DLG2: variants seen among roughly 807,000 people sequenced by gnomAD.
The protein encoded by DLG2 is disks large homolog 2.
Under a neutral mutation model 132.5 loss-of-function variants are expected in DLG2, and 45 were observed. That is an observed-to-expected ratio of 0.34 (90% CI 0.27 to 0.44). The LOEUF (loss-of-function observed/expected upper bound fraction) is 0.44. Among genes scored for constraint, DLG2 ranks in the 20% least tolerant of loss-of-function variants. DLG2 has a pLI of 1.00. For synonymous variants in DLG2, 424 were observed against 419.6 expected, an observed-to-expected ratio of 1.01 and a Z score of -0.13; for missense variants, 1,045 against 1,196.9, an observed-to-expected ratio of 0.87 and a Z score of 1.87.
intron 3 of DLG2, among the ~76,000 whole-genome samples, chr11:85,584,985 T>C (rs2078871205): frequency 6.6e-6 from 1 of 152,244 alleles, no homozygotes; most frequent in Non-Finnish European, 1.5e-5. Context: ...TCTTTTGCTA[T>C]GCAGAAGCTT....
intron 3 of DLG2, among the ~76,000 whole-genome samples, chr11:85,399,511 C>T (rs1053865312): frequency 7.3e-5 from 11 of 151,030 alleles, no homozygotes; most frequent in African/African-American, 1.5e-4. Context: ...GGAGGCATCA[C>T]GCTACCTGAC....
chr11:84,905,893 C>T (rs2091450846), intron 6 of DLG2, among the ~76,000 whole-genome samples: 1 of 152,134 alleles, frequency 6.6e-6, no homozygotes, highest in African/African-American at 2.4e-5. Flanking sequence ...ACACATGGTA[C>T]AGTTTAACAT....
chr11:84,604,148 A>G (rs564514299), intron 6 of DLG2, among the ~76,000 whole-genome samples: 2 of 152,114 alleles, frequency 1.3e-5, no homozygotes, highest in Middle Eastern at 3.4e-3. Context: ...CTAAGATTGC[A>G]TAACTAATTT....
chr11:83,468,153 A>C (rs2163612), intron 25 of DLG2, among the ~76,000 whole-genome samples: 87,490 of 151,820 alleles, frequency 0.58, 26,904 homozygotes, highest in African/African-American at 0.8. Flanking sequence ...TAGGAACAAT[A>C]CTAAATCAAT....
At chr11:83,835,632 T>C (rs533518934) in intron 16 of DLG2, among the ~76,000 whole-genome samples, 1 of 152,258 alleles carries the variant, frequency 6.6e-6, no homozygotes, top group South Asian at 2.1e-4. Flanking sequence ...GTTTTAGTTT[T>C]CTATTGCTGA....
At chr11:83,692,508 T>C (rs2081165298) in intron 18 of DLG2, among the ~76,000 whole-genome samples, 1 of 152,116 alleles carries the variant, frequency 6.6e-6, no homozygotes. Context: ...AATGAGGAGT[T>C]GCTAATAGTT....
chr11:85,151,782 A>G (rs757325476), intron 5 of DLG2, among the ~76,000 whole-genome samples: 1 of 152,182 alleles, frequency 6.6e-6, no homozygotes, highest in Non-Finnish European at 1.5e-5. Flanking sequence ...CATCTTGATT[A>G]CTGTTGCTTT....
intron 7 of DLG2, among the ~76,000 whole-genome samples, chr11:84,466,316 T>A (rs2099094203): frequency 6.6e-6 from 1 of 151,208 alleles, no homozygotes; most frequent in South Asian, 2.1e-4. Flanking sequence ...GATGCAAACA[T>A]ATGTGCTCAA....
intron 6 of DLG2, among the ~76,000 whole-genome samples, chr11:84,904,253 C>A (rs565396644): frequency 6.9e-4 from 105 of 152,258 alleles, no homozygotes; most frequent in African/African-American, 2.4e-3. Context: ...CTATATTCTA[C>A]CTACTGTGTA....
At chr11:84,001,441 C>T (rs935648803) in intron 11 of DLG2, among the ~76,000 whole-genome samples, 1 of 151,766 alleles carries the variant, frequency 6.6e-6, no homozygotes, top group African/African-American at 2.4e-5. Flanking sequence ...CTGGATCACC[C>T]AGATTCATAA....
chr11:84,182,362 A>C (rs1275512836), intron 8 of DLG2, among the ~76,000 whole-genome samples: 2 of 149,782 alleles, frequency 1.3e-5, no homozygotes, highest in African/African-American at 4.9e-5. Flanking sequence ...GGAGACCCCA[A>C]CTCCTAAAAA....
At chr11:83,854,219 G>A (rs1268931508) in intron 16 of DLG2, among the ~76,000 whole-genome samples, 1 of 151,980 alleles carries the variant, frequency 6.6e-6, no homozygotes, top group African/African-American at 2.4e-5. Flanking sequence ...TCTGATGCAA[G>A]AAATCAAAGA....
At chr11:84,768,157 A>G (rs571081360) in intron 6 of DLG2, among the ~76,000 whole-genome samples, 13 of 152,336 alleles carry the variant, frequency 8.5e-5, no homozygotes, top group African/African-American at 3.1e-4. Context: ...ATATTTATAA[A>G]TAAAGTTATG....
intron 6 of DLG2, among the ~76,000 whole-genome samples, chr11:84,702,339 G>C (rs2059306116): frequency 6.6e-6 from 1 of 151,604 alleles, no homozygotes; most frequent in Non-Finnish European, 1.5e-5. Context: ...ACTTAGTGCT[G>C]TGTTTCAACT....
chr11:84,881,215 T>C (rs2154054321), intron 6 of DLG2, among the ~76,000 whole-genome samples: 1 of 152,218 alleles, frequency 6.6e-6, no homozygotes, highest in Non-Finnish European at 1.5e-5. Flanking sequence ...TCCTATTATC[T>C]CTTCCTGATA....
chr11:84,987,120 G>A (rs147028812), intron 6 of DLG2, among the ~76,000 whole-genome samples: 1,604 of 152,152 alleles, frequency 0.011, 8 homozygotes, highest in Non-Finnish European at 0.017. Context: ...CACCAACAGC[G>A]ACCAAGTGGA....
At chr11:85,006,431 C>A (rs913573440) in intron 6 of DLG2, among the ~76,000 whole-genome samples, 1 of 152,174 alleles carries the variant, frequency 6.6e-6, no homozygotes. Context: ...TTCAGGGACA[C>A]AACTTCTTCC....
chr11:85,441,925 G>C (rs1476685223), intron 3 of DLG2, among the ~76,000 whole-genome samples: 1 of 152,024 alleles, frequency 6.6e-6, no homozygotes, highest in African/African-American at 2.4e-5. Context: ...TAGCTAAGTA[G>C]TCTTGGTGGT....
intron 3 of DLG2, among the ~76,000 whole-genome samples, chr11:85,594,639 A>T (rs542016244): frequency 2.6e-5 from 4 of 152,354 alleles, no homozygotes; most frequent in African/African-American, 9.6e-5. Flanking sequence ...TAAGTTACAA[A>T]AAACATTTGT....
Sources: gnomAD v4.1 joint callset for allele counts (sites outside exome capture counted in the v4.1 genomes callset) on GRCh38, gnomAD v4.1.1 for gene constraint, MANE v1.5 for transcripts, NCBI Gene and HGNC (gene_info 2026-07-23, HGNC 2026-07-21) for gene names.